The following ZFYVE28 variants were observed in gnomAD, a reference collection of about 807,000 sequenced individuals.
The protein encoded by ZFYVE28 is zinc finger FYVE-type containing 28, also known as lateral signaling target protein 2 homolog.
A neutral mutation model predicts 82.1 loss-of-function variants in ZFYVE28; 40 were observed. The observed-to-expected ratio is 0.49, with a 90% confidence interval of 0.38 to 0.63. ZFYVE28 has a LOEUF of 0.63. ZFYVE28 is among the 30% of genes least tolerant of loss of function. ZFYVE28 has a pLI of 0.00. For synonymous variants in ZFYVE28, 612 were observed against 546.1 expected, an observed-to-expected ratio of 1.12 and a Z score of -1.68; for missense variants, 1,321 against 1,242.1, an observed-to-expected ratio of 1.06 and a Z score of -0.96.
At chr4:2,278,169 C>T (rs1736645731) in intron 8 of ZFYVE28, among the ~76,000 whole-genome samples, 3 of 151,844 alleles carry the variant, frequency 2.0e-5, no homozygotes, top group East Asian at 1.9e-4. Context: ...AAAATTCACT[C>T]GAAATGAATC....
intron 1 of ZFYVE28, chr4:2,364,677 G>C: frequency 6.1e-6 from 6 of 985,512 alleles, no homozygotes; most frequent in Non-Finnish European, 7.2e-6. Context: ...GCTTAGCCTG[G>C]ACAAGCCCTT....
chr4:2,351,585 A>C (rs554980551), intron 2 of ZFYVE28, among the ~76,000 whole-genome samples: 1 of 152,246 alleles, frequency 6.6e-6, no homozygotes, highest in African/African-American at 2.4e-5. Flanking sequence ...ATGGTGGCGC[A>C]TGCCTGTAAT....
intron 2 of ZFYVE28, among the ~76,000 whole-genome samples, chr4:2,346,653 T>C (rs1298428068): frequency 1.3e-5 from 2 of 152,168 alleles, no homozygotes; most frequent in African/African-American, 4.8e-5. Flanking sequence ...CTTTATACTC[T>C]ATGTGAAATT....
In ZFYVE28 at chr4:2,273,189, C is replaced by G. The variant is rs774942590; in HGVS notation, c.2307G>C (p.Lys769Asn). ...VMATKPETDDKEKLRKVTQTL... is the reference protein window; with the variant it reads ...VMATKPETDDNEKLRKVTQTL... ...GGCACTCACCCTTCCTTAACTTTTC[C>G]TTGTCGTCTGTTTCAGGCTTGGTGG... Residue 769 changes from lysine (K) to asparagine (N), a missense_variant, in exon 10 of 13, where the codon AAG becomes AAC. Around this residue, in one of 2 missense-constraint regions of ZFYVE28, gnomAD observed 978 missense variants for 833.7 expected, o/e 1.17. Coordinates refer to ENST00000290974, the MANE Select transcript of ZFYVE28 (RefSeq NM_020972.3). The G allele has an allele frequency of 6.2e-7, 1 of 1,613,712 alleles. No homozygotes were observed. The highest frequency in any genetic ancestry group is 1.1e-5 in the South Asian group (1 of 91,062).
intron 1 of ZFYVE28, among the ~76,000 whole-genome samples, chr4:2,404,106 G>A (rs1048864299): frequency 6.6e-6 from 1 of 151,858 alleles, no homozygotes; most frequent in African/African-American, 2.4e-5. Context: ...GGATCACGAG[G>A]TCAGGAGATC....
rs557123787 is a variant in ZFYVE28 at position 2,320,090 on chromosome 4, C to T, written c.803+80G>A. 85 of 1,352,830 alleles carry T rather than the reference C, an allele frequency of 6.3e-5. No individual in the cohort carries two copies. In the South Asian group the frequency reaches 8.6e-4, roughly 14 times the overall value. The allele number at this position is 1,352,830 out of a possible 1,614,324, so 83.8% of individuals were successfully genotyped here. On this transcript the variant is annotated intron_variant, in intron 7 of 12. Transcript: ENST00000290974. This position sits in a 1 kb window ranked among gnomAD's most constrained non-coding sequence, Gnocchi z 5.1. ...AGAGAGGAGGAGGACCTGGAGGCGG[C>T]GGCTAAACATGACTTCAGCGCCCAC...
At chr4:2,280,868 A>G (rs1251342643) in intron 8 of ZFYVE28, among the ~76,000 whole-genome samples, 2 of 152,218 alleles carry the variant, frequency 1.3e-5, no homozygotes, top group African/African-American at 2.4e-5. Flanking sequence ...TATCTGGACA[A>G]GCATCCTGCT....
intron 1 of ZFYVE28, among the ~76,000 whole-genome samples, chr4:2,411,478 G>GT (rs1732516515): frequency 6.6e-6 from 1 of 152,046 alleles, no homozygotes. Flanking sequence ...CAATATCTAA[G>GT]TTTTTTTTGC....
At chr4:2,396,924 A>G (rs1443354917) in intron 1 of ZFYVE28, among the ~76,000 whole-genome samples, 1 of 152,158 alleles carries the variant, frequency 6.6e-6, no homozygotes, top group Non-Finnish European at 1.5e-5. Context: ...CATGACCCGA[A>G]TTGAATTGTG....
Position 2,335,644 on chromosome 4 carries a change from A to G in ZFYVE28, c.701+61T>C, listed in dbSNP as rs1187997730. ...GACCGGCACCCGCACGGGACCTGGC[A>G]CCATCAGCCCTGCCCGTCCCGCAGG... On this transcript the variant is annotated intron_variant, in intron 6 of 12. Coordinates refer to ENST00000290974, the MANE Select transcript of ZFYVE28 (RefSeq NM_020972.3). The surrounding 1 kb of genome is among the most constrained non-coding windows in gnomAD (Gnocchi z 5.8). 2 of 1,488,116 alleles carry G rather than the reference A, an allele frequency of 1.3e-6. No individual in the cohort carries two copies. The highest frequency in any genetic ancestry group is 2.8e-5 in the African/African-American group (2 of 71,882). 92.2% of individuals were successfully genotyped at this position (1,488,116 alleles called of 1,614,324 possible).
rs763263744 is a variant in ZFYVE28, at chr4:2,332,674, C to T, written c.701+3031G>A. On this transcript the variant is annotated intron_variant, in intron 6 of 12. Coordinates refer to ENST00000290974, the MANE Select transcript of ZFYVE28 (RefSeq NM_020972.3). This position sits in a 1 kb window ranked among gnomAD's most constrained non-coding sequence, Gnocchi z 4.7. The stretch of plus-strand genomic sequence containing the variant: ...CGGGCAGCTGTGGCCTCTGCCTGTC[C>T]GGCTCAAAGCGGTCGCTGTGGATGA... Among the ~76,000 whole-genome samples, 5 of 152,164 alleles carry T rather than the reference C, an allele frequency of 3.3e-5. No homozygotes were observed. The highest frequency in any genetic ancestry group is 5.9e-5 in the Non-Finnish European group (4 of 68,022).
At chr4:2,283,184 C>G (rs1032105928) in intron 8 of ZFYVE28, among the ~76,000 whole-genome samples, 2 of 150,720 alleles carry the variant, frequency 1.3e-5, no homozygotes, top group African/African-American at 4.9e-5. Flanking sequence ...ATCCATTCAT[C>G]TACCCATCCA....
intron 1 of ZFYVE28, among the ~76,000 whole-genome samples, chr4:2,357,539 C>T (rs538106113): frequency 2.6e-5 from 4 of 152,314 alleles, no homozygotes; most frequent in South Asian, 4.1e-4. Flanking sequence ...TCCCTTATGG[C>T]CCCAAACCTG....
chr4:2,271,584 G>C, intron 11 of ZFYVE28, 91 bp downstream of exon 11: 1 of 1,479,906 alleles, frequency 6.8e-7, no homozygotes, highest in Non-Finnish European at 9.4e-7. Flanking sequence ...AGGGTGGCCT[G>C]CAGCCCCTCC....
chr4:2,304,197 G>A, intron 8 of ZFYVE28, 92 bp downstream of exon 8: 2 of 1,469,100 alleles, frequency 1.4e-6, no homozygotes, highest in Non-Finnish European at 1.8e-6. Context: ...GATGGCTCAG[G>A]TAGAAACACT....
intron 8 of ZFYVE28, among the ~76,000 whole-genome samples, chr4:2,278,024 C>T (rs946440358): frequency 1.3e-5 from 2 of 152,112 alleles, no homozygotes; most frequent in Non-Finnish European, 2.9e-5. Context: ...AACCCATATG[C>T]TTATGGGCAG....
At chr4:2,295,502 T>G (rs1157553924) in intron 8 of ZFYVE28, 1 of 152,214 alleles carries the variant, frequency 6.6e-6, no homozygotes, top group Non-Finnish European at 1.5e-5. Flanking sequence ...CCAGACCACT[T>G]CACCGCCATG....
At chr4:2,357,261 A>G (rs1725465068) in intron 1 of ZFYVE28, among the ~76,000 whole-genome samples, 1 of 152,018 alleles carries the variant, frequency 6.6e-6, no homozygotes, top group Non-Finnish European at 1.5e-5. Flanking sequence ...TAGAATTCTG[A>G]CCCAGCTTCT....
At chr4:2,280,218 A>G (rs1162029454) in intron 8 of ZFYVE28, among the ~76,000 whole-genome samples, 2 of 152,246 alleles carry the variant, frequency 1.3e-5, no homozygotes, top group Non-Finnish European at 2.9e-5. Context: ...CATTTAAAAA[A>G]TTAGAGGCGA....
Sources: gnomAD v4.1 joint callset for allele counts (sites outside exome capture counted in the v4.1 genomes callset) on GRCh38, gnomAD v4.1.1 for gene constraint, gnomAD v4.1.1 regional missense constraint, Gnocchi (gnomAD v3.1) non-coding constraint, MANE v1.5 for transcripts, NCBI Gene and HGNC (gene_info 2026-07-23, HGNC 2026-07-21) for gene names.